The following FAR2 variants were observed in gnomAD, a reference collection of about 807,000 sequenced individuals.
The protein encoded by FAR2 is fatty acyl-CoA reductase 2.
Under a neutral mutation model 56.0 loss-of-function variants are expected in FAR2, and 19 were observed. The observed-to-expected ratio is 0.34, with a 90% CI of 0.24 to 0.50. The LOEUF (loss-of-function observed/expected upper bound fraction) is 0.50, where lower values mean the gene tolerates loss of function less well. Among genes scored for constraint, FAR2 ranks in the 20% least tolerant of loss-of-function variants. The pLI is 0.98. For synonymous variants in FAR2, 219 were observed against 218.8 expected, an observed-to-expected ratio of 1.00 and a Z score of -0.01; for missense variants, 508 against 642.2, an observed-to-expected ratio of 0.79 and a Z score of 2.26.
chr12:29,166,044 A>C (rs919493756), intron 1 of FAR2, among the ~76,000 whole-genome samples: 2 of 152,240 alleles, frequency 1.3e-5, no homozygotes, highest in Admixed American at 6.5e-5. Context: ...CCAAATCACT[A>C]CTTGTCTCTG....
intron 1 of FAR2, among the ~76,000 whole-genome samples, chr12:29,212,501 CTT>C (rs978660479): frequency 5.9e-5 from 9 of 152,106 alleles, no homozygotes; most frequent in Non-Finnish European, 4.4e-5. Context: ...TTTCTTATGT[CTT>C]CTTTTCCTAT....
At chr12:29,261,655 A>G (rs956467422) in intron 1 of FAR2, among the ~76,000 whole-genome samples, 1 of 152,210 alleles carries the variant, frequency 6.6e-6, no homozygotes, top group Non-Finnish European at 1.5e-5. Flanking sequence ...AAGATAAAGG[A>G]TCCTAAAAGC....
intron 1 of FAR2, among the ~76,000 whole-genome samples, chr12:29,184,862 A>G (rs188349447): frequency 1.2e-4 from 19 of 152,174 alleles, no homozygotes; most frequent in Admixed American, 9.2e-4. Context: ...TTAAGAATCT[A>G]TTTCTTCTGT....
chr12:29,166,278 ATATC>A (rs951361409), intron 1 of FAR2, among the ~76,000 whole-genome samples: 6 of 152,334 alleles, frequency 3.9e-5, no homozygotes, highest in East Asian at 1.9e-4. Flanking sequence ...TTTAATATCT[ATATC>A]TATACATAAT....
At chr12:29,201,583 C>A (rs908727768) in intron 1 of FAR2, among the ~76,000 whole-genome samples, 5 of 152,074 alleles carry the variant, frequency 3.3e-5, no homozygotes, top group Non-Finnish European at 7.3e-5. Context: ...ACTTTACTTC[C>A]TATTGTGTAT....
At chr12:29,325,601 C>CA (rs575845167) in intron 10 of FAR2, among the ~76,000 whole-genome samples, 78 of 152,306 alleles carry the variant, frequency 5.1e-4, no homozygotes, top group African/African-American at 1.9e-3. Context: ...GAAACTCACT[C>CA]AAAACCACTC....
At chr12:29,167,372 CTT>C (rs1949839593) in intron 1 of FAR2, among the ~76,000 whole-genome samples, 1 of 152,186 alleles carries the variant, frequency 6.6e-6, no homozygotes, top group South Asian at 2.1e-4. Context: ...CAACCTCCCT[CTT>C]TTCCTTCTTT....
Position 29,307,783 on chromosome 12 carries a change from T to C in FAR2, c.671T>C (p.Ile224Thr). Residue 224 changes from isoleucine (I) to threonine (T), a missense_variant, in exon 5 of 12, where the codon ATT becomes ACT. Ile to Thr is a moderately conservative substitution (Grantham distance 89, BLOSUM62 -1). Coordinates refer to ENST00000536681, the MANE Select transcript of FAR2 (RefSeq NM_001271783.2). ...CAGCAAGAGAGCAGGAACCTGAACA[T>C]TGCCATCATAAGGCCCTCCATTGTG... ...VVQQESRNLN[I>T]AIIRPSIVGA... is the part of the protein sequence containing the mutation. The C allele has an allele frequency of 5.6e-6, 9 of 1,613,004 alleles. No homozygotes were observed. The highest frequency in any genetic ancestry group is 7.6e-6 in the Non-Finnish European group (9 of 1,179,878).
At chr12:29,318,553 C>T (rs1390151710) in intron 9 of FAR2, among the ~76,000 whole-genome samples, 1 of 152,120 alleles carries the variant, frequency 6.6e-6, no homozygotes, top group Non-Finnish European at 1.5e-5. Flanking sequence ...TGTATTTTAG[C>T]AATAATCTTT....
chr12:29,184,752 G>A (rs1950024253), intron 1 of FAR2, among the ~76,000 whole-genome samples: 1 of 152,084 alleles, frequency 6.6e-6, no homozygotes, highest in Non-Finnish European at 1.5e-5. Context: ...ATTCTTAAAG[G>A]TCCCTAAAGA....
chr12:29,259,485 T>C (rs1948381461), intron 1 of FAR2, among the ~76,000 whole-genome samples: 1 of 152,220 alleles, frequency 6.6e-6, no homozygotes, highest in Admixed American at 6.5e-5. Context: ...GTTTGAATCT[T>C]AATTTTTTTA....
At chr12:29,150,201 G>C (rs1949671387) in intron 1 of FAR2, among the ~76,000 whole-genome samples, 2 of 152,216 alleles carry the variant, frequency 1.3e-5, no homozygotes, top group African/African-American at 4.8e-5. Context: ...GGCAGTCTCA[G>C]TCTATTAAAA....
intron 1 of FAR2, among the ~76,000 whole-genome samples, chr12:29,267,659 A>G (rs373269409): frequency 2.6e-5 from 4 of 152,228 alleles, no homozygotes; most frequent in African/African-American, 2.4e-5. Flanking sequence ...GAATTGTAAT[A>G]TACTCATGTA....
intron 4 of FAR2, among the ~76,000 whole-genome samples, chr12:29,304,580 G>A (rs1949225731): frequency 6.6e-6 from 1 of 152,110 alleles, no homozygotes; most frequent in Admixed American, 6.5e-5. Flanking sequence ...GAAAATTGAG[G>A]GTATCAGGGG....
At chr12:29,322,088 G>A (rs914954505) in intron 10 of FAR2, among the ~76,000 whole-genome samples, 164 bp downstream of exon 10, 9 of 152,180 alleles carry the variant, frequency 5.9e-5, no homozygotes, top group Non-Finnish European at 1.0e-4. Flanking sequence ...CAACACCACC[G>A]TAGGAAACAA....
intron 1 of FAR2, among the ~76,000 whole-genome samples, chr12:29,152,879 C>G (rs1949692468): frequency 6.6e-6 from 1 of 152,124 alleles, no homozygotes; most frequent in Admixed American, 6.5e-5. Flanking sequence ...TAGAGATAGC[C>G]CTTAAAGTTC....
intron 1 of FAR2, among the ~76,000 whole-genome samples, chr12:29,227,662 T>A (rs1947790209): frequency 1.3e-5 from 2 of 152,178 alleles, no homozygotes; most frequent in Non-Finnish European, 2.9e-5. Context: ...AATTGCCTTA[T>A]TAATCAATCA....
intron 10 of FAR2, among the ~76,000 whole-genome samples, chr12:29,328,070 C>G (rs918901036): frequency 4.6e-5 from 7 of 152,100 alleles, no homozygotes; most frequent in Non-Finnish European, 7.4e-5. Flanking sequence ...AAAAAACAAA[C>G]AACCCCATCA....
rs189718735 is a variant in FAR2 at position 29,169,372 on chromosome 12, T to C, written c.-39+19965T>C. ...TAGTTGAGCTCATTTGGGGTTCCAT[T>C]TGTAAGACCACCTGTAGCTCGATGG... is the stretch of plus-strand genomic sequence containing the variant. On this transcript the variant is annotated intron_variant, in intron 1 of 11. Transcript: ENST00000536681. Among the ~76,000 whole-genome samples the C allele has an allele frequency of 5.1e-3, 777 of 152,224 alleles. 13 individuals carry two copies. Among genetic ancestry groups the C allele is most frequent in the African/African-American group, 0.018 (729 of 41,520 alleles).
Sources: gnomAD v4.1 joint callset for allele counts (sites outside exome capture counted in the v4.1 genomes callset) on GRCh38, gnomAD v4.1.1 for gene constraint, MANE v1.5 for transcripts, NCBI Gene and HGNC (gene_info 2026-07-23, HGNC 2026-07-21) for gene names.